Variants in FRMD5 observed in about 807,000 individuals in gnomAD.
The protein encoded by FRMD5 is FERM domain-containing protein 5.
A neutral mutation model predicts 69.0 loss-of-function variants in FRMD5; 20 were observed. That is an observed-to-expected ratio of 0.29 (90% CI 0.20 to 0.42). The LOEUF is 0.42. Among genes scored for constraint, FRMD5 ranks in the 10% least tolerant of loss-of-function variants. The pLI, the probability that FRMD5 is intolerant of heterozygous loss-of-function variation, is 1.00. For synonymous variants in FRMD5, 271 were observed against 260.1 expected, an observed-to-expected ratio of 1.04 and a Z score of -0.40; for missense variants, 595 against 708.6, an observed-to-expected ratio of 0.84 and a Z score of 1.82.
intron 1 of FRMD5, among the ~76,000 whole-genome samples, chr15:44,099,211 T>C (rs1225026562): frequency 6.6e-6 from 1 of 152,126 alleles, no homozygotes; most frequent in Non-Finnish European, 1.5e-5. Flanking sequence ...ATAAAATAAA[T>C]AGCCACAGTT....
chr15:44,046,396 T>G (rs1892430577), intron 1 of FRMD5, among the ~76,000 whole-genome samples: 1 of 152,196 alleles, frequency 6.6e-6, no homozygotes, highest in African/African-American at 2.4e-5. Context: ...GAAAATGCAT[T>G]ATGCGCTTTA....
intron 1 of FRMD5, among the ~76,000 whole-genome samples, chr15:43,986,490 C>T (rs893053258): frequency 4.6e-5 from 7 of 152,060 alleles, no homozygotes; most frequent in African/African-American, 1.7e-4. Context: ...GTGGTTGTGA[C>T]GAAACGTATG....
intron 1 of FRMD5, among the ~76,000 whole-genome samples, chr15:43,976,115 T>TAA (rs34505005): frequency 1.4e-5 from 2 of 140,522 alleles, no homozygotes; most frequent in Non-Finnish European, 3.2e-5. Flanking sequence ...TTCCATATAT[T>TAA]AAAAAAAAAA....
intron 1 of FRMD5, among the ~76,000 whole-genome samples, chr15:44,051,699 CTTGTTT>C (rs1381680171): frequency 6.6e-6 from 1 of 151,692 alleles, no homozygotes; most frequent in Non-Finnish European, 1.5e-5. Context: ...TTAGATTTTC[CTTGTTT>C]TTTTATGATC....
intron 1 of FRMD5, among the ~76,000 whole-genome samples, chr15:43,988,002 A>C (rs111752958): frequency 2.0e-5 from 3 of 152,220 alleles, no homozygotes; most frequent in African/African-American, 7.2e-5. Context: ...CTAGATTCTC[A>C]TAAGGAGCAT....
intron 1 of FRMD5, among the ~76,000 whole-genome samples, chr15:44,086,312 A>C (rs1894193640): frequency 6.6e-6 from 1 of 152,216 alleles, no homozygotes; most frequent in Non-Finnish European, 1.5e-5. Context: ...AACAACCCAA[A>C]CATCCATCAA....
At chr15:43,959,839 G>A (rs1367307704) in intron 1 of FRMD5, among the ~76,000 whole-genome samples, 5 of 152,080 alleles carry the variant, frequency 3.3e-5, no homozygotes, top group African/African-American at 9.6e-5. Flanking sequence ...CCCTTTTAAC[G>A]GGCCTATTGC....
intron 8 of FRMD5, among the ~76,000 whole-genome samples, chr15:43,889,291 G>C (rs1463457865): frequency 6.6e-6 from 1 of 152,198 alleles, no homozygotes; most frequent in Non-Finnish European, 1.5e-5. Context: ...CAAATAATGA[G>C]AAACAATGCA....
intron 1 of FRMD5, among the ~76,000 whole-genome samples, chr15:44,017,483 CTATT>C (rs757561697): frequency 4.9e-4 from 75 of 152,064 alleles, no homozygotes; most frequent in Non-Finnish European, 9.6e-4. Context: ...TTACATTTAA[CTATT>C]TATTTAGTAC....
chr15:44,173,291 A>C (rs949494071), intron 1 of FRMD5, among the ~76,000 whole-genome samples: 3 of 152,180 alleles, frequency 2.0e-5, no homozygotes, highest in Non-Finnish European at 4.4e-5. Flanking sequence ...CAGGGTTGTT[A>C]GGCTAAATAT....
At chr15:44,039,210 A>C (rs539408151) in intron 1 of FRMD5, among the ~76,000 whole-genome samples, 1 of 152,340 alleles carries the variant, frequency 6.6e-6, no homozygotes, top group East Asian at 1.9e-4. Flanking sequence ...TCCCTGGGAC[A>C]GAGCACCCGG....
chr15:44,000,752 A>G (rs1890175509), intron 1 of FRMD5, among the ~76,000 whole-genome samples: 2 of 152,064 alleles, frequency 1.3e-5, no homozygotes, highest in Non-Finnish European at 2.9e-5. Flanking sequence ...GATCCACTGT[A>G]CCCTGTGGTA....
intron 1 of FRMD5, among the ~76,000 whole-genome samples, chr15:44,033,866 A>G (rs572624994): frequency 6.6e-6 from 1 of 152,344 alleles, no homozygotes; most frequent in East Asian, 1.9e-4. Flanking sequence ...TAAGAATTAA[A>G]TAAGATCATT....
chr15:43,922,436 G>C (rs117537200), intron 2 of FRMD5, among the ~76,000 whole-genome samples: 3 of 152,336 alleles, frequency 2.0e-5, no homozygotes, highest in East Asian at 1.9e-4. Context: ...GTGCAGCGCA[G>C]AGCCTGGCAA....
At chr15:43,919,571 C>G in intron 3 of FRMD5, 34 bp from the exon 4 acceptor site, 1 of 1,604,338 alleles carries the variant, frequency 6.2e-7, no homozygotes, top group Non-Finnish European at 8.5e-7. Context: ...TCAGGGAAGA[C>G]TCTCACCCAG....
At chr15:43,932,755 C>G (rs1205751856) in intron 1 of FRMD5, among the ~76,000 whole-genome samples, 1 of 152,226 alleles carries the variant, frequency 6.6e-6, no homozygotes, top group African/African-American at 2.4e-5. Flanking sequence ...CCCTGGGATT[C>G]CCCAGGGCAC....
intron 13 of FRMD5, among the ~76,000 whole-genome samples, chr15:43,882,600 C>G (rs1207118306): frequency 6.6e-6 from 1 of 151,760 alleles, no homozygotes; most frequent in Non-Finnish European, 1.5e-5. Context: ...CTTAGGTGAT[C>G]CACCCACCTC....
chr15:44,108,433 T>C (rs1409933935), intron 1 of FRMD5, among the ~76,000 whole-genome samples: 2 of 152,012 alleles, frequency 1.3e-5, no homozygotes, highest in Non-Finnish European at 2.9e-5. Flanking sequence ...TCACCTGAGG[T>C]CTGGAGTTCG....
intron 1 of FRMD5, among the ~76,000 whole-genome samples, chr15:43,993,568 A>G (rs1889785912): frequency 6.6e-6 from 1 of 152,174 alleles, no homozygotes; most frequent in African/African-American, 2.4e-5. Context: ...GCTGGATGCA[A>G]TGTTCTGTAT....
Sources: gnomAD v4.1 joint callset for allele counts (sites outside exome capture counted in the v4.1 genomes callset) on GRCh38, gnomAD v4.1.1 for gene constraint, MANE v1.5 for transcripts, NCBI Gene and HGNC (gene_info 2026-07-23, HGNC 2026-07-21) for gene names.